PLCB4: variants seen among roughly 807,000 people sequenced by gnomAD.
PLCB4 encodes the protein phospholipase C beta 4.
PLCB4 carries 77 observed loss-of-function variants against 178.8 expected under a neutral mutation model. The observed-to-expected ratio is 0.43, with a 90% confidence interval of 0.36 to 0.52. The LOEUF (loss-of-function observed/expected upper bound fraction) is 0.52, where lower values mean the gene tolerates loss of function less well. Among genes scored for constraint, PLCB4 ranks in the 20% least tolerant of loss-of-function variants. PLCB4 has a pLI of 0.00. For missense variants in PLCB4, 1,024 were observed against 1,453.4 expected (o/e 0.70, Z 4.80); for synonymous variants, 496 against 490.8 (o/e 1.01, Z -0.14).
intron 38 of PLCB4, among the ~76,000 whole-genome samples, 189 bp downstream of exon 38, chr20:9,473,554 G>A (rs1480659433): frequency 6.6e-6 from 1 of 152,056 alleles, no homozygotes. Context: ...TGGAGCAGGA[G>A]CAGAATCTGG....
At chr20:9,171,972 T>A (rs1338520725) in intron 2 of PLCB4, among the ~76,000 whole-genome samples, 1 of 152,054 alleles carries the variant, frequency 6.6e-6, no homozygotes, top group African/African-American at 2.4e-5. Flanking sequence ...TGTCAACTTG[T>A]CAAGAACAGA....
intron 34 of PLCB4, 52 bp downstream of exon 34, chr20:9,457,541 T>C: frequency 1.1e-6 from 1 of 880,034 alleles, no homozygotes; most frequent in Non-Finnish European, 2.0e-6. Flanking sequence ...CACTTTGTAA[T>C]TTTTTAGAAG....
intron 2 of PLCB4, among the ~76,000 whole-genome samples, chr20:9,126,243 T>C (rs1239924230): frequency 6.6e-5 from 10 of 152,238 alleles, no homozygotes; most frequent in Admixed American, 4.6e-4. Context: ...CTTTTAAAAA[T>C]TGCTATTTTA....
At chr20:9,182,789 TTCTCAGCTG>T (rs1216331747) in intron 2 of PLCB4, among the ~76,000 whole-genome samples, 1 of 152,176 alleles carries the variant, frequency 6.6e-6, no homozygotes, top group Non-Finnish European at 1.5e-5. Flanking sequence ...TAGCTCTCCC[TTCTCAGCTG>T]TCTCAGCCAT....
At chr20:9,354,734 G>A (rs1475978529) in intron 7 of PLCB4, among the ~76,000 whole-genome samples, 2 of 152,182 alleles carry the variant, frequency 1.3e-5, no homozygotes, top group African/African-American at 4.8e-5. Flanking sequence ...TGAGCCTAGG[G>A]CACAGGAATC....
At chr20:9,158,577 GTTTT>G (rs373471121) in intron 2 of PLCB4, among the ~76,000 whole-genome samples, 1 of 133,398 alleles carries the variant, frequency 7.5e-6, no homozygotes, top group Non-Finnish European at 1.6e-5. Flanking sequence ...CCACTCTCAC[GTTTT>G]TTTTTTTTTT....
intron 3 of PLCB4, among the ~76,000 whole-genome samples, chr20:9,227,188 T>TA (rs2093877413): frequency 1.3e-5 from 2 of 152,004 alleles, no homozygotes; most frequent in South Asian, 4.1e-4. Context: ...TTTTTTTTTT[T>TA]ATATGTACTG....
At chr20:9,185,571 C>T (rs1470563083) in intron 2 of PLCB4, among the ~76,000 whole-genome samples, 1 of 152,156 alleles carries the variant, frequency 6.6e-6, no homozygotes, top group Non-Finnish European at 1.5e-5. Context: ...GCCTGTTCTG[C>T]ACTCAGCACC....
intron 4 of PLCB4, among the ~76,000 whole-genome samples, chr20:9,308,993 C>T (rs1293308566): frequency 2.0e-5 from 3 of 152,044 alleles, no homozygotes; most frequent in African/African-American, 4.8e-5. Context: ...TTCTTCTAGT[C>T]TTTTTTCATA....
intron 7 of PLCB4, among the ~76,000 whole-genome samples, chr20:9,361,834 C>T (rs1277245509): frequency 6.6e-6 from 1 of 152,150 alleles, no homozygotes. Context: ...AAATTATCTG[C>T]ACTGTCTGAG....
At chr20:9,378,249 CAT>C (rs922953288) in intron 12 of PLCB4, among the ~76,000 whole-genome samples, 9 of 152,074 alleles carry the variant, frequency 5.9e-5, no homozygotes, top group East Asian at 1.9e-4. Flanking sequence ...TACCAACAAA[CAT>C]ATTTTTAAAT....
At chr20:9,369,286 G>T (rs915680242) in intron 9 of PLCB4, among the ~76,000 whole-genome samples, 18 of 152,284 alleles carry the variant, frequency 1.2e-4, no homozygotes, top group African/African-American at 4.1e-4. Context: ...CCCTGAGATT[G>T]CTATGCAAAG....
chr20:9,320,090 A>G (rs2094943049), intron 4 of PLCB4, among the ~76,000 whole-genome samples: 2 of 152,208 alleles, frequency 1.3e-5, no homozygotes, highest in Non-Finnish European at 2.9e-5. Flanking sequence ...AAGAAAGTAA[A>G]GAAACAGAAG....
chr20:9,123,432 T>TC (rs200330838), intron 2 of PLCB4, among the ~76,000 whole-genome samples: 1 of 151,138 alleles, frequency 6.6e-6, no homozygotes, highest in Non-Finnish European at 1.5e-5. Context: ...TTTTTTTTTT[T>TC]TATATATATT....
At chr20:9,469,396 C>G (rs570603164) in intron 36 of PLCB4, among the ~76,000 whole-genome samples, 1 of 152,316 alleles carries the variant, frequency 6.6e-6, no homozygotes, top group African/African-American at 2.4e-5. Context: ...ATAGCAGCAA[C>G]AGTCAGGAGG....
chr20:9,373,332 C>T (rs1479843181), intron 12 of PLCB4, among the ~76,000 whole-genome samples: 1 of 152,162 alleles, frequency 6.6e-6, no homozygotes, highest in Non-Finnish European at 1.5e-5. Context: ...CTGGCTGTTA[C>T]ATGTAGCTCT....
chr20:9,332,573 G>A (rs557355092), intron 4 of PLCB4, among the ~76,000 whole-genome samples: 2 of 151,916 alleles, frequency 1.3e-5, no homozygotes, highest in African/African-American at 2.4e-5. Context: ...CTGGTCTTTA[G>A]TGTCAGCTGG....
chr20:9,380,121 T>A lies in PLCB4; in HGVS notation c.812T>A (p.Ile271Asn). The change falls in exon 13 of 40, where the codon ATC (isoleucine) becomes AAC (asparagine). Residue 271 changes from isoleucine (I) to asparagine (N), a missense_variant. Around this residue, in one of 7 missense-constraint regions of PLCB4, gnomAD observed 37 missense variants for 28.6 expected, o/e 1.30. Transcript: ENST00000378473. ...TATGATGCCAAAAGGGCAATGCAGA[T>A]CATTGAGATGTATGAACCTGATGAA... is the stretch of plus-strand genomic sequence containing the variant. Reference protein sequence around the residue: ...PFYDAKRAMQIIEMYEPDEDL... With the variant: ...PFYDAKRAMQNIEMYEPDEDL... 1 of 1,592,936 alleles carries A rather than the reference T, an allele frequency of 6.3e-7. No homozygotes were observed.
At chr20:9,268,912 T>C (rs1483189998) in intron 3 of PLCB4, among the ~76,000 whole-genome samples, 3 of 152,200 alleles carry the variant, frequency 2.0e-5, no homozygotes, top group East Asian at 1.9e-4. Flanking sequence ...CTTATCCTCA[T>C]TGTTGCATTT....
Sources: gnomAD v4.1 joint callset for allele counts (sites outside exome capture counted in the v4.1 genomes callset) on GRCh38, gnomAD v4.1.1 for gene constraint, gnomAD v4.1.1 regional missense constraint, MANE v1.5 for transcripts, NCBI Gene and HGNC (gene_info 2026-07-23, HGNC 2026-07-21) for gene names.